Variants in MB21D2 observed in about 807,000 individuals in gnomAD.
MB21D2 encodes Mab-21 domain containing 2.
MB21D2 carries 9 observed loss-of-function variants against 33.3 expected under a neutral mutation model. The ratio of observed to expected loss-of-function variants is 0.27; its 90% CI spans 0.16 to 0.47. The LOEUF (loss-of-function observed/expected upper bound fraction) is 0.47, where lower values mean the gene tolerates loss of function less well. Among genes scored for constraint, MB21D2 ranks in the 20% least tolerant of loss-of-function variants. The probability of loss-of-function intolerance (pLI) is 0.99; values close to 1 mark genes in which losing one functional copy is unlikely to be tolerated. For missense variants in MB21D2, 540 were observed against 624.6 expected, an observed-to-expected ratio of 0.86 and a Z score of 1.44; for synonymous variants, 241 against 236.3, an observed-to-expected ratio of 1.02 and a Z score of -0.18.
intron 1 of MB21D2, among the ~76,000 whole-genome samples, chr3:192,800,971 A>G (rs1711551636): frequency 6.6e-6 from 1 of 152,232 alleles, no homozygotes; most frequent in South Asian, 2.1e-4. Flanking sequence ...CTCGAATTGT[A>G]TACGTTTCTG....
intron 1 of MB21D2, among the ~76,000 whole-genome samples, chr3:192,836,485 TAGAG>T (rs1712441983): frequency 6.6e-6 from 1 of 152,210 alleles, no homozygotes; most frequent in African/African-American, 2.4e-5. Context: ...ATGAGGCTGT[TAGAG>T]GGAGTCCTAA....
At chr3:192,800,952 T>TCA (rs1217791470) in intron 1 of MB21D2, among the ~76,000 whole-genome samples, 70 of 152,338 alleles carry the variant, frequency 4.6e-4, no homozygotes, top group African/African-American at 1.5e-3. Flanking sequence ...ACCATGAGCG[T>TCA]GACATCTTCT....
In MB21D2 at chr3:192,798,934, A is replaced by G. The variant is rs761690689; in HGVS notation, c.928T>C (p.Tyr310His). ...ATGATGATGGCTTTGCAGGCCTGAT[A>G]GGCCTGCATGAGGCTGCTGGAGATG... The part of the protein sequence containing the change: ...KCISSSLMQA[Y>H]QACKAIIIKL... The change falls in exon 2 of 2, where the codon TAT becomes CAT. Residue 310 changes from tyrosine (Y) to histidine (H), a missense_variant. Tyr to His is a moderately conservative substitution (Grantham distance 83). Coordinates refer to ENST00000392452, the MANE Select transcript of MB21D2 (RefSeq NM_178496.4). The surrounding 1 kb of genome is among the most constrained non-coding windows in gnomAD (Gnocchi z 4.8). 8.7e-6 allele frequency: 14 copies of G among 1,613,910 alleles called. 1 individual carries two copies. In the Admixed American group the frequency reaches 2.2e-4, roughly 25 times the overall value.
chr3:192,912,157 G>GAA (rs1304447692), intron 1 of MB21D2, among the ~76,000 whole-genome samples: 1 of 152,208 alleles, frequency 6.6e-6, no homozygotes, highest in Admixed American at 6.5e-5. Flanking sequence ...CCTGAAAGGA[G>GAA]AAACAGCCAG....
chr3:192,847,049 G>A (rs183060242), intron 1 of MB21D2, among the ~76,000 whole-genome samples: 9 of 152,292 alleles, frequency 5.9e-5, no homozygotes, highest in Admixed American at 1.3e-4. Flanking sequence ...TAGGGAAGCA[G>A]AGGCTCTGGA....
At chr3:192,858,495 C>T (rs1433746831) in intron 1 of MB21D2, among the ~76,000 whole-genome samples, 1 of 152,178 alleles carries the variant, frequency 6.6e-6, no homozygotes, top group East Asian at 1.9e-4. Flanking sequence ...GTGAACGGAC[C>T]ATGCAAACGA....
intron 1 of MB21D2, among the ~76,000 whole-genome samples, chr3:192,894,207 C>T (rs550257703): frequency 3.9e-5 from 6 of 152,096 alleles, no homozygotes; most frequent in Admixed American, 2.0e-4. Context: ...GGACTCAAAA[C>T]GACCTCTGCC....
chr3:192,868,864 A>G (rs1713225864), intron 1 of MB21D2, among the ~76,000 whole-genome samples: 1 of 152,224 alleles, frequency 6.6e-6, no homozygotes, highest in African/African-American at 2.4e-5. Context: ...AAACTATCAT[A>G]CAAAGCACAG....
intron 1 of MB21D2, among the ~76,000 whole-genome samples, chr3:192,850,712 G>A (rs1477543860): frequency 6.6e-6 from 1 of 152,164 alleles, no homozygotes; most frequent in Non-Finnish European, 1.5e-5. Flanking sequence ...CTGCGGCCTA[G>A]ATCCCCTGTG....
In MB21D2 at chr3:192,917,801, G is replaced by C; in HGVS notation, c.40C>G (p.Leu14Val). The part of the protein sequence containing the change: ...AAPTANKAAS[L>V]GCNNKPAFPE... ...AACGCAGGCTTGTTGTTACAGCCCA[G>C]GGAGGCTGCCTTGTTGGCGGTGGGA... Residue 14 changes from leucine (L) to valine (V), a missense_variant, in exon 1 of 2, where the codon CTG becomes GTG. Coordinates refer to ENST00000392452, the MANE Select transcript of MB21D2 (RefSeq NM_178496.4). The C allele has an allele frequency of 2.5e-6, 4 of 1,612,702 alleles. No individual in the cohort carries two copies. Among genetic ancestry groups the C allele is most frequent in the Non-Finnish European group, 2.5e-6 (3 of 1,179,690 alleles).
intron 1 of MB21D2, among the ~76,000 whole-genome samples, chr3:192,823,590 G>A (rs1712104764): frequency 6.6e-6 from 1 of 152,192 alleles, no homozygotes; most frequent in Admixed American, 6.5e-5. Flanking sequence ...GGGAGGCAGA[G>A]GTTGCAGTGA....
chr3:192,877,518 A>C (rs2367129), intron 1 of MB21D2, among the ~76,000 whole-genome samples: 35,886 of 152,140 alleles, frequency 0.24, 4,420 homozygotes, highest in Middle Eastern at 0.27. Context: ...CCCATCGCGT[A>C]TATCAACTCA....
intron 1 of MB21D2, among the ~76,000 whole-genome samples, chr3:192,861,731 G>C (rs1016888209): frequency 6.6e-6 from 1 of 152,170 alleles, no homozygotes; most frequent in African/African-American, 2.4e-5. Flanking sequence ...TTGAACCCGG[G>C]AGGTGGAGGT....
chr3:192,807,116 T>C (rs776015386), intron 1 of MB21D2, among the ~76,000 whole-genome samples: 1 of 152,212 alleles, frequency 6.6e-6, no homozygotes, highest in Admixed American at 6.5e-5. Flanking sequence ...ATTATCAATA[T>C]ATTTTTTCCC....
At chr3:192,892,860 G>A (rs777789393) in intron 1 of MB21D2, among the ~76,000 whole-genome samples, 1 of 152,046 alleles carries the variant, frequency 6.6e-6, no homozygotes, top group African/African-American at 2.4e-5. Flanking sequence ...TTACACAAAG[G>A]GCATAGAATT....
intron 1 of MB21D2, among the ~76,000 whole-genome samples, chr3:192,895,725 T>G (rs1375077296): frequency 1.0e-5 from 1 of 96,944 alleles, no homozygotes; most frequent in Admixed American, 1.0e-4. Flanking sequence ...GTTGGGTTTT[T>G]GGGGTTTTTT....
At chr3:192,834,809 C>G (rs200342939) in intron 1 of MB21D2, among the ~76,000 whole-genome samples, 1 of 119,882 alleles carries the variant, frequency 8.3e-6, no homozygotes, top group Non-Finnish European at 1.7e-5. Context: ...GAGGATTGTT[C>G]TTTTTTTTTT....
At chr3:192,848,954 C>T (rs984963406) in intron 1 of MB21D2, among the ~76,000 whole-genome samples, 23 of 152,172 alleles carry the variant, frequency 1.5e-4, no homozygotes, top group African/African-American at 3.6e-4. Flanking sequence ...AACTTGACAG[C>T]GTAACCCTGG....
intron 1 of MB21D2, among the ~76,000 whole-genome samples, chr3:192,849,227 G>A (rs990958641): frequency 2.7e-5 from 4 of 147,002 alleles, no homozygotes; most frequent in East Asian, 2.0e-4. Context: ...CGAACCTTCC[G>A]AATTCTGTAC....
Sources: allele counts gnomAD v4.1 joint callset (sites outside exome capture counted in the v4.1 genomes callset), GRCh38; gene constraint gnomAD v4.1.1; non-coding constraint Gnocchi (gnomAD v3.1); transcripts MANE v1.5; gene names NCBI Gene and HGNC (gene_info 2026-07-23, HGNC 2026-07-21).